Variants in ADRA1B observed in about 807,000 individuals in gnomAD.
ADRA1B encodes adrenoceptor alpha 1B, also known as alpha-1B adrenergic receptor.
A neutral mutation model predicts 17.9 loss-of-function variants in ADRA1B; 17 were observed. The observed-to-expected ratio is 0.95, with a 90% CI of 0.65 to 1.42. ADRA1B has a LOEUF of 1.42. Among genes scored for constraint, ADRA1B ranks in the 40% most tolerant of loss-of-function variants. The pLI is 0.00. For missense variants in ADRA1B, 681 were observed against 722.1 expected (o/e 0.94, Z 0.65); for synonymous variants, 366 against 327.6 (o/e 1.12, Z -1.27).
At chr5:159,964,708 G>A (rs56249788) in intron 1 of ADRA1B, among the ~76,000 whole-genome samples, 6,294 of 152,266 alleles carry the variant, frequency 0.041, 210 homozygotes, top group East Asian at 0.15. Context: ...CAGGAACCAC[G>A]TGGAGACCAT....
downstream of ADRA1B, among the ~76,000 whole-genome samples, chr5:159,977,354 T>C (rs1755989088): frequency 6.6e-6 from 1 of 152,154 alleles, no homozygotes; most frequent in Non-Finnish European, 1.5e-5. Flanking sequence ...GAACTCAGCC[T>C]GGGTGAGAGG....
chr5:159,891,707 C>T (rs569929957), intron 1 of ADRA1B, among the ~76,000 whole-genome samples: 21 of 152,292 alleles, frequency 1.4e-4, no homozygotes, highest in African/African-American at 4.8e-4. Context: ...CAGCCCTCCT[C>T]CCTCAGGTCT....
chr5:159,954,184 G>A (rs556731159), intron 1 of ADRA1B, among the ~76,000 whole-genome samples: 5 of 152,266 alleles, frequency 3.3e-5, no homozygotes, highest in African/African-American at 9.6e-5. Flanking sequence ...AATCAGCTCC[G>A]GCTGCTGTAA....
intron 1 of ADRA1B, among the ~76,000 whole-genome samples, chr5:159,959,809 A>T (rs932300624): frequency 1.6e-4 from 11 of 66,834 alleles, no homozygotes; most frequent in African/African-American, 5.8e-4. Context: ...TTAAAAATGT[A>T]AAAAAAAAAA....
At chr5:159,953,707 T>C (rs1442710265) in intron 1 of ADRA1B, among the ~76,000 whole-genome samples, 1 of 152,176 alleles carries the variant, frequency 6.6e-6, no homozygotes, top group African/African-American at 2.4e-5. Context: ...GACTGAATAA[T>C]TAGTGAAATC....
chr5:159,913,584 A>G (rs1380880471), upstream of ADRA1B, among the ~76,000 whole-genome samples: 1 of 152,254 alleles, frequency 6.6e-6, no homozygotes, highest in African/African-American at 2.4e-5. Flanking sequence ...CTGAATCAAG[A>G]CATAAGTTCT....
chr5:159,903,121 C>T (rs2113122941), intron 1 of ADRA1B, among the ~76,000 whole-genome samples: 1 of 151,584 alleles, frequency 6.6e-6, no homozygotes, highest in Non-Finnish European at 1.5e-5. Flanking sequence ...CCCGGCAGGA[C>T]CTTACCATTC....
chr5:159,968,562 G>A (rs772088711), intron 1 of ADRA1B, among the ~76,000 whole-genome samples: 3 of 151,992 alleles, frequency 2.0e-5, no homozygotes, highest in African/African-American at 4.8e-5. Context: ...GGTCTCAAGC[G>A]ATCTGCCCAC....
intron 1 of ADRA1B, among the ~76,000 whole-genome samples, chr5:159,877,217 C>T (rs1432746199): frequency 3.3e-5 from 5 of 152,142 alleles, no homozygotes; most frequent in African/African-American, 4.8e-5. Context: ...TTTCAGCTCC[C>T]GGTCCCCTGT....
At chr5:159,873,509 T>A (rs1364712371) in intron 1 of ADRA1B, among the ~76,000 whole-genome samples, 1 of 152,230 alleles carries the variant, frequency 6.6e-6, no homozygotes, top group Non-Finnish European at 1.5e-5. Flanking sequence ...TTCAGCTCAC[T>A]GAGGACAACT....
chr5:159,915,637 G>A (rs917946858), upstream of ADRA1B, among the ~76,000 whole-genome samples: 14 of 152,018 alleles, frequency 9.2e-5, no homozygotes, highest in African/African-American at 3.4e-4. Context: ...CAGATAGCCA[G>A]CTAGCTTCCT....
chr5:159,879,577 G>A (rs1230751504), intron 1 of ADRA1B, among the ~76,000 whole-genome samples: 1 of 152,122 alleles, frequency 6.6e-6, no homozygotes, highest in Admixed American at 6.5e-5. Flanking sequence ...GGGGAGGGGG[G>A]AGTGAAAGTC....
chr5:159,919,024 C>A (rs1754405419), intron 1 of ADRA1B, among the ~76,000 whole-genome samples: 1 of 152,170 alleles, frequency 6.6e-6, no homozygotes, highest in Non-Finnish European at 1.5e-5. Flanking sequence ...ATCCCTCAAA[C>A]AGCTATAAAT....
At chr5:159,892,530 C>T (rs7730455) in intron 1 of ADRA1B, among the ~76,000 whole-genome samples, 55,172 of 151,898 alleles carry the variant, frequency 0.36, 10,471 homozygotes, top group African/African-American at 0.41. Context: ...TTACCCACCA[C>T]GTGTCCATGT....
intron 1 of ADRA1B, among the ~76,000 whole-genome samples, chr5:159,945,045 C>T (rs1487397930): frequency 6.6e-6 from 1 of 152,084 alleles, no homozygotes; most frequent in African/African-American, 2.4e-5. Flanking sequence ...AGCATAAGCT[C>T]AACCTGAGGA....
chr5:159,891,253 A>G (rs572161501), intron 1 of ADRA1B, among the ~76,000 whole-genome samples: 2 of 152,350 alleles, frequency 1.3e-5, no homozygotes, highest in South Asian at 4.1e-4. Flanking sequence ...TTGCTTGCAC[A>G]GGCTTATTAA....
chr5:159,942,796 TAC>T (rs1374918467), intron 1 of ADRA1B, among the ~76,000 whole-genome samples: 1 of 152,088 alleles, frequency 6.6e-6, no homozygotes, highest in Non-Finnish European at 1.5e-5. Context: ...TGGAAGGTAA[TAC>T]ACCAAAAAGA....
At chr5:159,931,571 T>TA (rs1318972507) in intron 1 of ADRA1B, among the ~76,000 whole-genome samples, 2 of 152,068 alleles carry the variant, frequency 1.3e-5, no homozygotes, top group African/African-American at 2.4e-5. Flanking sequence ...CAGCAAAATA[T>TA]AAAAAAGAAA....
intron 1 of ADRA1B, among the ~76,000 whole-genome samples, chr5:159,879,276 C>G (rs1049758575): frequency 6.6e-6 from 1 of 152,148 alleles, no homozygotes; most frequent in African/African-American, 2.4e-5. Flanking sequence ...TGACGATGGA[C>G]CAGCTGGAAT....
Sources: gnomAD v4.1 joint callset for allele counts (sites outside exome capture counted in the v4.1 genomes callset) on GRCh38, gnomAD v4.1.1 for gene constraint, MANE v1.5 for transcripts, NCBI Gene and HGNC (gene_info 2026-07-23, HGNC 2026-07-21) for gene names.